The following VPS13A variants were observed in gnomAD, a reference collection of about 807,000 sequenced individuals.
The protein encoded by VPS13A is intermembrane lipid transfer protein VPS13A.
Under a neutral mutation model 390.9 loss-of-function variants are expected in VPS13A, and 264 were observed. The ratio of observed to expected loss-of-function variants is 0.68; its 90% CI spans 0.61 to 0.75. The LOEUF is 0.75. VPS13A is among the 30% of genes least tolerant of loss of function. VPS13A has a pLI of 0.00. For missense variants in VPS13A, 3,409 were observed against 3,733.9 expected, an observed-to-expected ratio of 0.91 and a Z score of 2.27; for synonymous variants, 1,231 against 1,227.1, an observed-to-expected ratio of 1.00 and a Z score of -0.07.
chr9:77,344,064 A>T, intron 50 of VPS13A, 89 bp from the exon 51 acceptor site: 3 of 1,239,040 alleles, frequency 2.4e-6, no homozygotes, highest in Non-Finnish European at 3.4e-6. Flanking sequence ...TTTATAGTTT[A>T]AGTCTATTCT....
intron 23 of VPS13A, 49 bp from the exon 24 acceptor site, chr9:77,273,231 G>A: frequency 1.4e-6 from 2 of 1,410,922 alleles, no homozygotes; most frequent in Admixed American, 1.8e-5. Flanking sequence ...TGAATAAGCG[G>A]TGAATAAACA....
intron 1 of VPS13A, among the ~76,000 whole-genome samples, chr9:77,182,298 C>T (rs1824070687): frequency 6.6e-6 from 1 of 152,040 alleles, no homozygotes; most frequent in East Asian, 1.9e-4. Context: ...TTCACCACGT[C>T]AACCAGGCTG....
At chr9:77,282,329 A>C in intron 29 of VPS13A, 55 bp downstream of exon 29, 7 of 1,495,024 alleles carry the variant, frequency 4.7e-6, no homozygotes, top group Non-Finnish European at 5.5e-6. Context: ...CATGTAGGTC[A>C]ATAAATCTAG....
chr9:77,265,883 G>A (rs1301251494), intron 23 of VPS13A, among the ~76,000 whole-genome samples: 1 of 152,064 alleles, frequency 6.6e-6, no homozygotes, highest in East Asian at 1.9e-4. Flanking sequence ...TTCTTTAATT[G>A]TGATGTTAGG....
Position 77,403,301 on chromosome 9 carries a change from T to C in VPS13A, c.9255T>C (p.Asp3085=), listed in dbSNP as rs1640674493. 2 of 1,612,032 alleles carry C rather than the reference T, an allele frequency of 1.2e-6. No homozygotes were observed. Among genetic ancestry groups the C allele is most frequent in the Non-Finnish European group, 1.7e-6 (2 of 1,179,630 alleles). ...CCCATGTCATGATCAATAAGACAGA[T>C]ATGCTAATGATAACCAGACGGTAAC... The part of the protein sequence containing the change: ...YFTHVMINKT[D]MLMITRRGVL... The change falls in exon 69 of 72, where the codon GAT becomes GAC. Residue 3085 remains aspartate, a synonymous_variant. Transcript: ENST00000360280.
intron 21 of VPS13A, among the ~76,000 whole-genome samples, chr9:77,251,302 T>C (rs1278461486): frequency 1.3e-5 from 2 of 152,234 alleles, no homozygotes. Flanking sequence ...AGAATTATTA[T>C]GTTCAAATGA....
intron 68 of VPS13A, chr9:77,382,942 A>C (rs1413276669): frequency 2.1e-5 from 21 of 985,098 alleles, no homozygotes; most frequent in Admixed American, 6.2e-5. Context: ...AGGCTATACC[A>C]GTGTCATGTT....
At chr9:77,386,575 A>G (rs1472100668) in intron 68 of VPS13A, among the ~76,000 whole-genome samples, 1 of 152,098 alleles carries the variant, frequency 6.6e-6, no homozygotes, top group Non-Finnish European at 1.5e-5. Context: ...GATTACATTT[A>G]TTTAAAATTT....
chr9:77,283,413 G>A lies in VPS13A; in HGVS notation c.3177G>A (p.Ser1059=), dbSNP rs756705615. The change falls in exon 30 of 72, where the codon TCG becomes TCA. Residue 1059 remains serine, a synonymous_variant. Coordinates refer to ENST00000360280, the MANE Select transcript of VPS13A (RefSeq NM_033305.3). ...IITLQILAEL[S]CLQIFIQDQK... ...CTTTGCAGATTTTAGCAGAATTATCGTGTTTACAGATCTTTATTCAAGATC... is the reference window on the plus strand; with the variant it reads ...CTTTGCAGATTTTAGCAGAATTATCATGTTTACAGATCTTTATTCAAGATC... 1.9e-5 allele frequency: 30 copies of A among 1,608,604 alleles called. No homozygotes were observed. The highest frequency in any genetic ancestry group is 9.9e-5 in the South Asian group (9 of 90,792).
chr9:77,344,721 T>C (rs1376682672), intron 51 of VPS13A, among the ~76,000 whole-genome samples: 1 of 150,726 alleles, frequency 6.6e-6, no homozygotes, highest in African/African-American at 2.4e-5. Flanking sequence ...ATCGCGCCAC[T>C]GCACTCCAGC....
Position 77,221,248 on chromosome 9 carries a change from A to T in VPS13A, c.1053A>T (p.Ser351=). 1.9e-6 allele frequency: 3 copies of T among 1,613,560 alleles called. No homozygotes were observed. The highest frequency in any genetic ancestry group is 2.5e-6 in the Non-Finnish European group (3 of 1,179,620). Residue 351 remains serine (S), a synonymous_variant, in exon 13 of 72, where the codon TCA becomes TCT. Transcript: ENST00000360280. ...TTTGCCCCAGGTTATGGATGTGGTCATGGAAGCATATTAGAAAACATAGGC... is the reference window on the plus strand; with the variant it reads ...TTTGCCCCAGGTTATGGATGTGGTCTTGGAAGCATATTAGAAAACATAGGC... ...VNVCPRLWMW[S]WKHIRKHRQK... is the part of the protein sequence containing the mutation.
chr9:77,322,360 C>G (rs909736971), intron 44 of VPS13A, among the ~76,000 whole-genome samples: 6 of 151,834 alleles, frequency 4.0e-5, no homozygotes, highest in African/African-American at 2.4e-5. Flanking sequence ...CTCACCTACA[C>G]CACTTTTTGA....
chr9:77,315,161 T>A (rs558041743), intron 37 of VPS13A, 92 bp from the exon 38 acceptor site: 1 of 1,159,732 alleles, frequency 8.6e-7, no homozygotes, highest in Non-Finnish European at 1.3e-6. Context: ...TTTTTGTCAG[T>A]AAAAGAGATA....
chr9:77,233,998 G>A (rs1043484546), intron 17 of VPS13A, among the ~76,000 whole-genome samples: 1 of 152,098 alleles, frequency 6.6e-6, no homozygotes, highest in African/African-American at 2.4e-5. Context: ...AAATTTCTAA[G>A]TGTTATTGTG....
chr9:77,366,963 A>G (rs1832464647), intron 61 of VPS13A, 91 bp downstream of exon 61: 1 of 1,366,684 alleles, frequency 7.3e-7, no homozygotes, highest in Non-Finnish European at 1.0e-6. Flanking sequence ...TGTGTGAAGT[A>G]CGTTGCAGAT....
intron 10 of VPS13A, among the ~76,000 whole-genome samples, chr9:77,217,181 A>G (rs143863107): frequency 6.6e-6 from 1 of 152,282 alleles, no homozygotes; most frequent in Non-Finnish European, 1.5e-5. Flanking sequence ...GAGAGAGTGA[A>G]ATGACGAGGG....
In VPS13A at chr9:77,208,961, AAAG is replaced by A. The variant is rs1369484447; in HGVS notation, c.386-457_386-455del. Among the ~76,000 whole-genome samples, 5 of 152,342 alleles carry A rather than the reference AAAG, an allele frequency of 3.3e-5. No individual in the cohort carries two copies. In the South Asian group the frequency reaches 1.0e-3, roughly 32 times the overall value. On this transcript the variant is annotated intron_variant, in intron 5 of 71. Transcript: ENST00000360280. Reference sequence around the variant, plus strand: ...TTCTTTCATCCTTGTTCAAAAGAAGAAAGAAGATCTTATTTCCTATTTTGTATT... The same window carrying A: ...TTCTTTCATCCTTGTTCAAAAGAAGAAAGATCTTATTTCCTATTTTGTATT...
chr9:77,325,633 T>C (rs920494683), intron 45 of VPS13A, among the ~76,000 whole-genome samples: 2 of 152,000 alleles, frequency 1.3e-5, no homozygotes. Flanking sequence ...GCTTATTGGC[T>C]GTATCTCTTT....
intron 70 of VPS13A, among the ~76,000 whole-genome samples, chr9:77,407,196 G>T (rs972120699): frequency 6.6e-6 from 1 of 152,140 alleles, no homozygotes; most frequent in African/African-American, 2.4e-5. Context: ...GATAACAACT[G>T]TGTAAGAAAT....
Sources: gnomAD v4.1 joint callset for allele counts (sites outside exome capture counted in the v4.1 genomes callset) on GRCh38, gnomAD v4.1.1 for gene constraint, MANE v1.5 for transcripts, NCBI Gene and HGNC (gene_info 2026-07-23, HGNC 2026-07-21) for gene names.